PGBD5: variants seen among roughly 807,000 people sequenced by gnomAD.
PGBD5 encodes the protein piggyBac transposable element derived 5.
Under a neutral mutation model 47.9 loss-of-function variants are expected in PGBD5, and 14 were observed. That is an observed-to-expected ratio of 0.29 (90% CI 0.19 to 0.46). PGBD5 has a LOEUF of 0.46. Among genes scored for constraint, PGBD5 ranks in the 20% least tolerant of loss-of-function variants. The probability of loss-of-function intolerance (pLI) is 1.00; values close to 1 mark genes in which losing one functional copy is unlikely to be tolerated. For missense variants in PGBD5, 635 were observed against 716.0 expected, an observed-to-expected ratio of 0.89 and a Z score of 1.29; for synonymous variants, 316 against 306.3, an observed-to-expected ratio of 1.03 and a Z score of -0.33.
At chr1:230,351,804 G>C (rs1309174010) in intron 2 of PGBD5, among the ~76,000 whole-genome samples, 2 of 152,010 alleles carry the variant, frequency 1.3e-5, no homozygotes, top group Non-Finnish European at 1.5e-5. Context: ...AGGCAATTTT[G>C]AAACTAATTT....
At chr1:230,358,487 G>T (rs150522304) in intron 1 of PGBD5, among the ~76,000 whole-genome samples, 1 of 152,074 alleles carries the variant, frequency 6.6e-6, no homozygotes, top group African/African-American at 2.4e-5. Flanking sequence ...TGGTGACTAG[G>T]GACTACATCT....
chr1:230,369,250 C>T (rs1052354421), intron 1 of PGBD5, among the ~76,000 whole-genome samples: 21 of 152,236 alleles, frequency 1.4e-4, no homozygotes, highest in African/African-American at 5.1e-4. Context: ...GCTTAAGAAG[C>T]AGCTCCTTGG....
Position 230,367,654 on chromosome 1 carries a change from C to T in PGBD5, c.332-10333G>A, listed in dbSNP as rs114801566. On this transcript the variant is annotated intron_variant, in intron 1 of 6. Coordinates refer to ENST00000391860, the MANE Select transcript of PGBD5 (RefSeq NM_001258311.2). ...CTGAGGCTATAGTGAACCACGACTG[C>T]GTCACTGCACTCCAGCCTGGGTGAC... 4.2e-3 allele frequency among the ~76,000 whole-genome samples: 642 copies of T among 152,226 alleles called. 5 individuals are homozygous for T. The highest frequency in any genetic ancestry group is 0.014 in the African/African-American group (564 of 41,536).
intron 1 of PGBD5, among the ~76,000 whole-genome samples, chr1:230,423,810 T>C (rs1432038036): frequency 6.6e-6 from 1 of 152,188 alleles, no homozygotes; most frequent in African/African-American, 2.4e-5. Flanking sequence ...GACCTGATTC[T>C]TCGGTCCAGG....
chr1:230,329,064 C>A (rs953143922), intron 5 of PGBD5, among the ~76,000 whole-genome samples: 1 of 152,060 alleles, frequency 6.6e-6, no homozygotes, highest in African/African-American at 2.4e-5. Flanking sequence ...CCCCACCAAC[C>A]CCCACCCCCC....
In PGBD5 at chr1:230,391,174, A is replaced by AGCT. The variant is rs956791300; in HGVS notation, c.332-33856_332-33854dup. On this transcript the variant is annotated intron_variant, in intron 1 of 6. Coordinates refer to ENST00000391860, the MANE Select transcript of PGBD5 (RefSeq NM_001258311.2). Reference sequence around the variant, plus strand: ...GAGTGTGGGGGGTGGGGCGGGAGGGAGCTGCTACCAGCCTGTCGCTGTGGC... The same window carrying AGCT: ...GAGTGTGGGGGGTGGGGCGGGAGGGAGCTGCTGCTACCAGCCTGTCGCTGTGGC... 2.4e-5 allele frequency among the ~76,000 whole-genome samples: 3 copies of AGCT among 125,572 alleles called. No individual in the cohort carries two copies. In the East Asian group the frequency reaches 6.0e-4, roughly 25 times the overall value. The allele number at this position is 125,572 out of a possible 152,430, so 82.4% of individuals were successfully genotyped here. A position where few individuals can be genotyped will look rare whatever the true frequency, so the allele number is the denominator to read the frequency against.
At chr1:230,416,771 C>T (rs1246027591) in intron 1 of PGBD5, among the ~76,000 whole-genome samples, 1 of 152,146 alleles carries the variant, frequency 6.6e-6, no homozygotes. Context: ...GATTTCCCTT[C>T]GGTTTGGATG....
chr1:230,354,843 C>T (rs901883238), intron 2 of PGBD5, among the ~76,000 whole-genome samples: 3 of 151,750 alleles, frequency 2.0e-5, no homozygotes, highest in Non-Finnish European at 2.9e-5. Flanking sequence ...GAGTAGAAAA[C>T]GTAGCAAGAA....
At chr1:230,365,142 T>A (rs1050422477) in intron 1 of PGBD5, among the ~76,000 whole-genome samples, 6 of 150,012 alleles carry the variant, frequency 4.0e-5, no homozygotes, top group African/African-American at 1.2e-4. Flanking sequence ...TGAAACCCCA[T>A]CTCTACTAAA....
At chr1:230,368,633 G>C (rs1667880197) in intron 1 of PGBD5, among the ~76,000 whole-genome samples, 1 of 152,246 alleles carries the variant, frequency 6.6e-6, no homozygotes, top group African/African-American at 2.4e-5. Flanking sequence ...AGCACACACA[G>C]AAAGTCAAAG....
intron 1 of PGBD5, among the ~76,000 whole-genome samples, chr1:230,389,678 G>C (rs1030485585): frequency 2.0e-5 from 3 of 152,144 alleles, no homozygotes; most frequent in Non-Finnish European, 4.4e-5. Flanking sequence ...CTGTGGAAAT[G>C]TTCAAGCCCG....
intron 1 of PGBD5, among the ~76,000 whole-genome samples, chr1:230,371,076 T>C (rs542826465): frequency 4.6e-5 from 7 of 152,292 alleles, no homozygotes; most frequent in East Asian, 1.9e-4. Flanking sequence ...GAAGACTGAT[T>C]GTTATTTGTC....
chr1:230,349,444 C>G (rs1667527268), intron 3 of PGBD5, among the ~76,000 whole-genome samples: 1 of 147,028 alleles, frequency 6.8e-6, no homozygotes, highest in Non-Finnish European at 1.5e-5. Context: ...CTGAGGTGAC[C>G]AGATCACTTG....
intron 1 of PGBD5, among the ~76,000 whole-genome samples, chr1:230,374,602 T>C (rs753800970): frequency 3.9e-5 from 6 of 152,346 alleles, no homozygotes; most frequent in Middle Eastern, 3.4e-3. Flanking sequence ...TTGTTCTTTA[T>C]GCTTTTCTCA....
chr1:230,324,727 G>A (rs1351684424), intron 6 of PGBD5, among the ~76,000 whole-genome samples: 1 of 152,178 alleles, frequency 6.6e-6, no homozygotes, highest in Non-Finnish European at 1.5e-5. Flanking sequence ...ATGGCACGAG[G>A]TCAGGGGTGG....
chr1:230,351,705 T>C (rs1667563001), intron 2 of PGBD5, among the ~76,000 whole-genome samples: 3 of 152,204 alleles, frequency 2.0e-5, no homozygotes, highest in African/African-American at 7.2e-5. Context: ...AAATCATTCA[T>C]CAAATGACCC....
chr1:230,419,203 T>C, intron 1 of PGBD5, among the ~76,000 whole-genome samples: 1 of 120,706 alleles, frequency 8.3e-6, no homozygotes, highest in East Asian at 3.1e-4. Flanking sequence ...ATGGTGCACA[T>C]ACACCATGGA....
intron 2 of PGBD5, among the ~76,000 whole-genome samples, chr1:230,352,219 A>G (rs1243374791): frequency 6.6e-6 from 1 of 152,208 alleles, no homozygotes; most frequent in Non-Finnish European, 1.5e-5. Flanking sequence ...TGGGGCTACA[A>G]TATCAGAACT....
chr1:230,360,206 C>T (rs1317360916), intron 1 of PGBD5, among the ~76,000 whole-genome samples: 1 of 152,220 alleles, frequency 6.6e-6, no homozygotes, highest in Non-Finnish European at 1.5e-5. Context: ...AATTCACATG[C>T]AACCCCTGGC....
Sources: gnomAD v4.1 joint callset for allele counts (sites outside exome capture counted in the v4.1 genomes callset) on GRCh38, gnomAD v4.1.1 for gene constraint, MANE v1.5 for transcripts, NCBI Gene and HGNC (gene_info 2026-07-23, HGNC 2026-07-21) for gene names.